Variants in MAP2 observed in about 807,000 individuals in gnomAD.
The protein encoded by MAP2 is microtubule associated protein 2, also known as microtubule-associated protein 2.
A neutral mutation model predicts 137.6 loss-of-function variants in MAP2; 14 were observed. That is an observed-to-expected ratio of 0.10 (90% confidence interval 0.07 to 0.16). MAP2 has a LOEUF of 0.16. Among genes scored for constraint, MAP2 ranks in the 10% least tolerant of loss-of-function variants. The probability of loss-of-function intolerance (pLI) is 1.00; values close to 1 mark genes in which losing one functional copy is unlikely to be tolerated. For synonymous variants in MAP2, 786 were observed against 782.3 expected, an observed-to-expected ratio of 1.00 and a Z score of -0.08; for missense variants, 2,088 against 2,191.5, an observed-to-expected ratio of 0.95 and a Z score of 0.94.
chr2:209,625,208 C>T (rs1206187897), intron 4 of MAP2, 79 bp downstream of exon 4: 1 of 151,998 alleles, frequency 6.6e-6, no homozygotes, highest in African/African-American at 2.4e-5. Context: ...TTTTTAAAAT[C>T]TTTAAATAAG....
At chr2:209,506,519 T>C (rs549022158) in intron 1 of MAP2, among the ~76,000 whole-genome samples, 9 of 152,294 alleles carry the variant, frequency 5.9e-5, no homozygotes, top group African/African-American at 1.2e-4. Context: ...CTGCCATAGA[T>C]GCTCCCTGTG....
At chr2:209,565,711 A>C (rs569418010) in intron 2 of MAP2, among the ~76,000 whole-genome samples, 108 of 152,270 alleles carry the variant, frequency 7.1e-4, no homozygotes, top group African/African-American at 2.5e-3. Context: ...TAACTAACCT[A>C]AGTTCCTAAG....
chr2:209,610,020 A>G (rs1288789592), intron 3 of MAP2, among the ~76,000 whole-genome samples: 1 of 152,190 alleles, frequency 6.6e-6, no homozygotes, highest in Non-Finnish European at 1.5e-5. Context: ...TTCACAGTTT[A>G]ATTGGGAATA....
chr2:209,544,495 T>C (rs2067658370), intron 2 of MAP2, among the ~76,000 whole-genome samples: 1 of 152,186 alleles, frequency 6.6e-6, no homozygotes. Context: ...GTATGATCTC[T>C]TGGAGCTGGT....
Position 209,434,437 on chromosome 2 carries a change from C to G in MAP2, c.-222+10161C>G, listed in dbSNP as rs578138019. On this transcript the variant is annotated intron_variant, in intron 1 of 15. Transcript: ENST00000682079. ...TAATTATTGTTGATTTTTGTTTAAG[C>G]CTCTTTCCTTGACTTCTGTTTTATT... Among the ~76,000 whole-genome samples the G allele has an allele frequency of 5.3e-5, 8 of 151,464 alleles. No individual in the cohort carries two copies. The South Asian group carries it at 1.3e-3, about 24-fold the overall frequency.
intron 2 of MAP2, among the ~76,000 whole-genome samples, chr2:209,564,530 CTG>C (rs2072938152): frequency 8.0e-6 from 1 of 125,036 alleles, no homozygotes; most frequent in Non-Finnish European, 1.6e-5. Context: ...GGCCCAGAAT[CTG>C]TGTTTTAGCA....
intron 5 of MAP2, among the ~76,000 whole-genome samples, chr2:209,659,103 A>G (rs1312608890): frequency 2.0e-5 from 3 of 152,216 alleles, no homozygotes; most frequent in East Asian, 1.9e-4. Flanking sequence ...AATTGTGAAC[A>G]CAGTGTTCAG....
chr2:209,630,046 G>C (rs2092815292), intron 4 of MAP2, among the ~76,000 whole-genome samples: 1 of 152,158 alleles, frequency 6.6e-6, no homozygotes, highest in Non-Finnish European at 1.5e-5. Flanking sequence ...AACAAAAACG[G>C]TGCTGATGAG....
intron 11 of MAP2, among the ~76,000 whole-genome samples, chr2:209,702,244 C>T (rs139996984): frequency 6.6e-6 from 1 of 152,126 alleles, no homozygotes; most frequent in Non-Finnish European, 1.5e-5. Context: ...CCATAGGCAT[C>T]GTCTGACACA....
intron 5 of MAP2, among the ~76,000 whole-genome samples, chr2:209,654,150 T>C (rs184088239): frequency 5.9e-5 from 9 of 152,314 alleles, no homozygotes; most frequent in Non-Finnish European, 7.4e-5. Context: ...TTCACAAGAA[T>C]ACAACAAGGT....
At chr2:209,660,794 C>T (rs1294021429) in intron 5 of MAP2, among the ~76,000 whole-genome samples, 1 of 146,908 alleles carries the variant, frequency 6.8e-6, no homozygotes, top group East Asian at 2.0e-4. Flanking sequence ...AGTGCAGTGG[C>T]GCGATCTCGG....
chr2:209,593,668 T>A (rs2080106711), intron 3 of MAP2, among the ~76,000 whole-genome samples: 1 of 81,174 alleles, frequency 1.2e-5, no homozygotes, highest in Non-Finnish European at 2.3e-5. Context: ...TATATATATA[T>A]ATATATGTAT....
chr2:209,728,011 G>A (rs1002635675), intron 14 of MAP2, among the ~76,000 whole-genome samples: 1 of 152,154 alleles, frequency 6.6e-6, no homozygotes, highest in Non-Finnish European at 1.5e-5. Context: ...GTGCACACCT[G>A]TAGTCCTAGC....
At chr2:209,669,808 A>C (rs1043655883) in intron 5 of MAP2, among the ~76,000 whole-genome samples, 9 of 151,434 alleles carry the variant, frequency 5.9e-5, no homozygotes, top group Non-Finnish European at 1.2e-4. Flanking sequence ...CACACACACA[A>C]AATTGCTTTT....
chr2:209,704,036 T>G, intron 11 of MAP2: 1 of 455,028 alleles, frequency 2.2e-6, no homozygotes, highest in South Asian at 1.6e-5. Context: ...GATGCTGAGG[T>G]TTGAGCTTAT....
At chr2:209,502,163 A>G (rs2060459685) in intron 1 of MAP2, among the ~76,000 whole-genome samples, 1 of 152,138 alleles carries the variant, frequency 6.6e-6, no homozygotes, top group Non-Finnish European at 1.5e-5. Context: ...ATTATTAACT[A>G]TAGTCGTCAT....
chr2:209,435,582 C>T (rs1274073895), intron 1 of MAP2, among the ~76,000 whole-genome samples: 1 of 151,574 alleles, frequency 6.6e-6, no homozygotes, highest in African/African-American at 2.4e-5. Context: ...ATTGTAAGGC[C>T]ACTGGCATCA....
At chr2:209,604,919 A>G (rs2084175912) in intron 3 of MAP2, among the ~76,000 whole-genome samples, 1 of 152,182 alleles carries the variant, frequency 6.6e-6, no homozygotes, top group Non-Finnish European at 1.5e-5. Context: ...AAAATGCTAA[A>G]AACTTTAGAG....
At chr2:209,512,582 CACACACACACACACACACAA>C (rs1459732186) in intron 2 of MAP2, among the ~76,000 whole-genome samples, 231 of 149,780 alleles carry the variant, frequency 1.5e-3, no homozygotes, top group African/African-American at 5.3e-3. Flanking sequence ...CACACACACA[CACACACACACACACACACAA>C]ACACATATAT....
Sources: gnomAD v4.1 joint callset for allele counts (sites outside exome capture counted in the v4.1 genomes callset) on GRCh38, gnomAD v4.1.1 for gene constraint, MANE v1.5 for transcripts, NCBI Gene and HGNC (gene_info 2026-07-23, HGNC 2026-07-21) for gene names.